MCMBP: variants seen among roughly 807,000 people sequenced by gnomAD.
MCMBP encodes mini-chromosome maintenance complex-binding protein.
In MCMBP, 31 loss-of-function variants were observed where a neutral mutation model predicts 81.3. The observed-to-expected ratio is 0.38, with a 90% CI of 0.29 to 0.51. MCMBP has a LOEUF of 0.51. Ranked by LOEUF, MCMBP falls within the 20% of genes least tolerant of loss-of-function variation. The probability of loss-of-function intolerance (pLI) is 0.87; values close to 1 mark genes in which losing one functional copy is unlikely to be tolerated. For missense variants in MCMBP, 645 were observed against 772.1 expected (o/e 0.84, Z 1.95); for synonymous variants, 267 against 275.9 (o/e 0.97, Z 0.32).
At chr10:119,873,212 G>A (rs541438647), upstream of MCMBP, among the ~76,000 whole-genome samples, 1 of 152,306 alleles carries the variant, frequency 6.6e-6, no homozygotes, top group African/African-American at 2.4e-5. Flanking sequence ...AACCGCCTTG[G>A]GAATCCGCCC....
intron 1 of MCMBP, among the ~76,000 whole-genome samples, chr10:119,861,868 G>A (rs1020935242): frequency 2.6e-5 from 4 of 151,962 alleles, no homozygotes; most frequent in Admixed American, 6.6e-5. Flanking sequence ...AGTCTCCTGC[G>A]TAGCTGGGAC....
chr10:119,844,648 G>C (rs1284076202), intron 8 of MCMBP, among the ~76,000 whole-genome samples: 2 of 152,166 alleles, frequency 1.3e-5, no homozygotes, highest in African/African-American at 2.4e-5. Context: ...GTCTGTGAGG[G>C]TGTTGCCAAA....
At chr10:119,840,049 T>C (rs980881356) in intron 11 of MCMBP, among the ~76,000 whole-genome samples, 2 of 152,224 alleles carry the variant, frequency 1.3e-5, no homozygotes, top group Non-Finnish European at 2.9e-5. Flanking sequence ...GTTGTTTTTA[T>C]AAAAATATTT....
chr10:119,865,074 T>A (rs1206086425), intron 1 of MCMBP, among the ~76,000 whole-genome samples: 1 of 137,648 alleles, frequency 7.3e-6, no homozygotes, highest in Non-Finnish European at 1.6e-5. Flanking sequence ...CAGTATTCTT[T>A]TTGATTTTCT....
intron 1 of MCMBP, among the ~76,000 whole-genome samples, chr10:119,870,831 G>A (rs1166467001): frequency 3.3e-5 from 5 of 152,254 alleles, no homozygotes; most frequent in African/African-American, 1.2e-4. Context: ...ACGTACACGG[G>A]AACAAGACAT....
intron 5 of MCMBP, among the ~76,000 whole-genome samples, chr10:119,856,230 A>G (rs1853035825): frequency 6.6e-6 from 1 of 152,162 alleles, no homozygotes; most frequent in African/African-American, 2.4e-5. Context: ...CAAGAAAACA[A>G]AAACAAACAA....
intron 1 of MCMBP, among the ~76,000 whole-genome samples, chr10:119,864,883 G>A (rs1313624476): frequency 6.6e-6 from 1 of 152,062 alleles, no homozygotes; most frequent in Non-Finnish European, 1.5e-5. Context: ...TTTAATCCAT[G>A]GATTGTTTAG....
At chr10:119,831,917 C>T in intron 15 of MCMBP, 95 bp downstream of exon 15, 2 of 1,271,568 alleles carry the variant, frequency 1.6e-6, no homozygotes, top group Non-Finnish European at 1.1e-6. Context: ...AAGTTCATTT[C>T]CGTTTTTAGA....
Position 119,843,690 on chromosome 10 carries a change from C to T in MCMBP, c.828-264G>A, listed in dbSNP as rs533831969. On this transcript the variant is annotated intron_variant, in intron 8 of 15. Coordinates refer to ENST00000369077, the MANE Select transcript of MCMBP (RefSeq NM_001256378.2). ...TTTTTATTTTTTTTTTGGATGGAGT[C>T]TCACTGTGTTGCCCAGGCTGGAGTG... is the stretch of plus-strand genomic sequence containing the variant. Among the ~76,000 whole-genome samples, 21 of 151,764 alleles carry T rather than the reference C, an allele frequency of 1.4e-4. No homozygotes were observed. The South Asian group carries it at 4.2e-3, about 30-fold the overall frequency.
chr10:119,839,404 A>G (rs1372322295), intron 11 of MCMBP, among the ~76,000 whole-genome samples: 2 of 152,098 alleles, frequency 1.3e-5, no homozygotes, highest in Admixed American at 1.3e-4. Context: ...ATGGTGGGGG[A>G]AGGCTGTCAA....
intron 14 of MCMBP, among the ~76,000 whole-genome samples, chr10:119,832,540 CCTA>C (rs1398382747): frequency 6.6e-6 from 1 of 152,112 alleles, no homozygotes. Context: ...TTTAACATGT[CCTA>C]CTCCTAAATT....
chr10:119,864,429 T>C (rs149163633), intron 1 of MCMBP, among the ~76,000 whole-genome samples: 93 of 152,360 alleles, frequency 6.1e-4, no homozygotes, highest in African/African-American at 2.1e-3. Context: ...GTTTGTATTA[T>C]CCTTTTCATG....
At chr10:119,850,523 G>A (rs1250348295) in intron 6 of MCMBP, among the ~76,000 whole-genome samples, 2 of 152,134 alleles carry the variant, frequency 1.3e-5, no homozygotes, top group East Asian at 1.9e-4. Context: ...GCTGAGGCAG[G>A]TGGATCACGA....
intron 8 of MCMBP, among the ~76,000 whole-genome samples, chr10:119,846,303 C>T (rs1216909124): frequency 6.6e-6 from 1 of 152,138 alleles, no homozygotes; most frequent in African/African-American, 2.4e-5. Context: ...AAATCAGAAT[C>T]TATTAGTCTA....
Position 119,838,665 on chromosome 10 carries a change from G to A in MCMBP, c.1278C>T (p.Asn426=). ...CTTTGTGGGGAATGAATTTCAAATG[G>A]TTCATGTTCTCTATAGTCATCTGCA... ...FRLQMTIENM[N]HLKFIPHKDY... The change falls in exon 12 of 16, where the codon AAC becomes AAT. Residue 426 remains asparagine, a synonymous_variant. Coordinates refer to ENST00000369077, the MANE Select transcript of MCMBP (RefSeq NM_001256378.2). The A allele has an allele frequency of 3.1e-6, 5 of 1,613,918 alleles. No individual in the cohort carries two copies. In the South Asian group the frequency reaches 3.3e-5, roughly 11 times the overall value.
At chr10:119,850,359 T>G (rs773160371) in intron 6 of MCMBP, among the ~76,000 whole-genome samples, 4 of 151,962 alleles carry the variant, frequency 2.6e-5, no homozygotes, top group Non-Finnish European at 4.4e-5. Flanking sequence ...AGAGTGGTAG[T>G]TAGGAGCATA....
intron 1 of MCMBP, among the ~76,000 whole-genome samples, chr10:119,865,106 T>C (rs557798269): frequency 1.1e-4 from 16 of 152,372 alleles, no homozygotes; most frequent in Admixed American, 3.9e-4. Context: ...TGTCAAGTAC[T>C]GAGAGAGGAG....
intron 1 of MCMBP, among the ~76,000 whole-genome samples, chr10:119,867,871 C>T (rs1363275993): frequency 1.3e-5 from 2 of 152,054 alleles, no homozygotes; most frequent in Admixed American, 1.3e-4. Flanking sequence ...AGAAGAGGTC[C>T]AAGCTGGGTA....
At chr10:119,852,437 G>A (rs1589790594) in intron 6 of MCMBP, among the ~76,000 whole-genome samples, 1 of 152,206 alleles carries the variant, frequency 6.6e-6, no homozygotes, top group Non-Finnish European at 1.5e-5. Context: ...GGCTTTGGGA[G>A]GCTGATATAG....
Sources: allele counts gnomAD v4.1 joint callset (sites outside exome capture counted in the v4.1 genomes callset), GRCh38; gene constraint gnomAD v4.1.1; transcripts MANE v1.5; gene names NCBI Gene and HGNC (gene_info 2026-07-23, HGNC 2026-07-21).